The following ALDH4A1 variants were observed in gnomAD, a reference collection of about 807,000 sequenced individuals.
ALDH4A1 encodes the protein delta-1-pyrroline-5-carboxylate dehydrogenase, mitochondrial.
Under a neutral mutation model 70.5 loss-of-function variants are expected in ALDH4A1, and 46 were observed. The ratio of observed to expected loss-of-function variants is 0.65; its 90% CI spans 0.51 to 0.83. ALDH4A1 has a LOEUF of 0.83. Ranked by LOEUF, ALDH4A1 falls within the 40% of genes least tolerant of loss-of-function variation. ALDH4A1 has a pLI of 0.00. For missense variants in ALDH4A1, 749 were observed against 766.5 expected, an observed-to-expected ratio of 0.98 and a Z score of 0.27; for synonymous variants, 323 against 324.3, an observed-to-expected ratio of 1.00 and a Z score of 0.04.
chr1:18,896,718 C>T (rs1278793295), intron 1 of ALDH4A1, among the ~76,000 whole-genome samples: 1 of 151,992 alleles, frequency 6.6e-6, no homozygotes, highest in African/African-American at 2.4e-5. Context: ...CATGGTGAAA[C>T]CCCGTCTCTA....
chr1:18,896,181 C>A (rs1191928218), intron 1 of ALDH4A1, among the ~76,000 whole-genome samples: 1 of 152,152 alleles, frequency 6.6e-6, no homozygotes, highest in Non-Finnish European at 1.5e-5. Flanking sequence ...CTCTGACTGA[C>A]CATCTGTGTG....
chr1:18,883,055 G>A, intron 7 of ALDH4A1, 69 bp downstream of exon 7: 1 of 1,598,502 alleles, frequency 6.3e-7, no homozygotes, highest in Non-Finnish European at 8.6e-7. Flanking sequence ...GCTCAGGGTG[G>A]CCTCTGTCTG....
At chr1:18,890,681 G>A (rs943050010) in intron 1 of ALDH4A1, 2 of 985,306 alleles carry the variant, frequency 2.0e-6, no homozygotes, top group African/African-American at 1.7e-5. Context: ...AAGAATAATC[G>A]CACCGAACTC....
chr1:18,874,787 G>A (rs1360313773), intron 13 of ALDH4A1, among the ~76,000 whole-genome samples: 1 of 152,224 alleles, frequency 6.6e-6, no homozygotes, highest in Non-Finnish European at 1.5e-5. Context: ...CTCTGGGGAG[G>A]GGCTTGGCAC....
rs527592676 is a variant in ALDH4A1 at position 18,897,424 on chromosome 1, T to C, written c.62+5038A>G. ...TGGACGTGGTGGCGTGTGCCTGTAG[T>C]CTCAGCTACTTAGGAGGCTGAGGTA... On this transcript the variant is annotated intron_variant, in intron 1 of 14. Transcript: ENST00000375341. Among the ~76,000 whole-genome samples the C allele has an allele frequency of 4.2e-3, 633 of 152,292 alleles. 5 individuals carry two copies. The highest frequency in any genetic ancestry group is 0.014 in the African/African-American group (577 of 41,558).
chr1:18,889,463 A>T lies in ALDH4A1; in HGVS notation c.157-9T>A. 6.4e-7 allele frequency: 1 copy of T among 1,550,724 alleles called. No individual in the cohort carries two copies. The highest frequency in any genetic ancestry group is 2.4e-5 in the East Asian group (1 of 40,914). On this transcript the variant is annotated splice_polypyrimidine_tract_variant and intron_variant, in intron 2 of 14. Coordinates refer to ENST00000375341, the MANE Select transcript of ALDH4A1 (RefSeq NM_003748.4). ...TTCAGGTCCTTCAAGGCCTGGGGAG[A>T]GGGACAAGAGTGGGTATGGTCACCG... is the stretch of plus-strand genomic sequence containing the variant.
chr1:18,881,964 C>G, intron 7 of ALDH4A1, 77 bp from the exon 8 acceptor site: 1 of 1,403,704 alleles, frequency 7.1e-7, no homozygotes, highest in Non-Finnish European at 9.8e-7. Context: ...TACCCTACAG[C>G]ATGGTTGTCC....
intron 5 of ALDH4A1, chr1:18,885,225 G>A (rs1364326496): frequency 1.8e-5 from 10 of 563,456 alleles, no homozygotes; most frequent in African/African-American, 7.5e-5. Context: ...GCCTAGGAGC[G>A]AGGACAGAGG....
At chr1:18,885,238 TGGA>T (rs1417930293) in intron 5 of ALDH4A1, 1 of 579,256 alleles carries the variant, frequency 1.7e-6, no homozygotes, top group East Asian at 2.9e-5. Flanking sequence ...GACAGAGGGA[TGGA>T]GGAGAGGGGA....
Position 18,878,854 on chromosome 1 carries a change from C to T in ALDH4A1, c.940+446G>A, listed in dbSNP as rs534832853. 5.9e-5 allele frequency among the ~76,000 whole-genome samples: 9 copies of T among 152,268 alleles called. No homozygotes were observed. In the South Asian group the frequency reaches 1.2e-3, roughly 21 times the overall value. On this transcript the variant is annotated intron_variant, in intron 9 of 14. Coordinates refer to ENST00000375341, the MANE Select transcript of ALDH4A1 (RefSeq NM_003748.4). ...GTCCAGCCCTGCCTACGTCTCAGCC[C>T]GTCTTCTCCTACCAGCCCTCCTCCC...
In ALDH4A1 at chr1:18,879,429, G is replaced by A. The variant is rs138822070; in HGVS notation, c.867-56C>T. ...GGGAGCCAGGCCAGAGGAAGGGGGC[G>A]GAAAAGCCCAGGGAGGAGCATTGCC... is the stretch of plus-strand genomic sequence containing the variant. On this transcript the variant is annotated intron_variant, in intron 8 of 14. Coordinates refer to ENST00000375341, the MANE Select transcript of ALDH4A1 (RefSeq NM_003748.4). The A allele has an allele frequency of 3.2e-4, 477 of 1,505,826 alleles. 1 individual carries two copies. The East Asian group carries it at 5.9e-3, about 19-fold the overall frequency. The allele number at this position is 1,505,826 out of a possible 1,614,324, so 93.3% of individuals were successfully genotyped here. A position where few individuals can be genotyped will look rare whatever the true frequency, so the allele number is the denominator to read the frequency against.
Position 18,877,530 on chromosome 1 carries a change from G to C in ALDH4A1, c.1023C>G (p.Phe341Leu), listed in dbSNP as rs769491686. Residue 341 changes from phenylalanine (F) to leucine (L), a missense_variant, in exon 10 of 15, where the codon TTC (phenylalanine) becomes TTG (leucine). Transcript: ENST00000375341. Reference protein sequence around the residue: ...SVVSGTLRSAFEYGGQKCSAC... With the variant: ...SVVSGTLRSALEYGGQKCSAC... ...CGGAACACTTCTGGCCACCGTACTC[G>C]AAGGCTGAGCGGAGGGTCCCGCTCA... The C allele has an allele frequency of 6.2e-7, 1 of 1,611,962 alleles. No individual in the cohort carries two copies. The highest frequency in any genetic ancestry group is 1.7e-5 in the Admixed American group (1 of 59,924).
At chr1:18,888,259 T>C (rs1569774541) in intron 3 of ALDH4A1, among the ~76,000 whole-genome samples, 1 of 152,202 alleles carries the variant, frequency 6.6e-6, no homozygotes, top group Non-Finnish European at 1.5e-5. Context: ...ACAGTCACTC[T>C]GTATTCGGGC....
At chr1:18,889,481 G>C in intron 2 of ALDH4A1, 27 bp from the exon 3 acceptor site, 1 of 1,537,636 alleles carries the variant, frequency 6.5e-7, no homozygotes, top group Admixed American at 2.0e-5. Context: ...GAGTGGGTAT[G>C]GTCACCGCCT....
Position 18,875,402 on chromosome 1 carries a change from C to G in ALDH4A1, c.1440G>C (p.Gly480=). ...VDSTTSYGLT[G]AVFSQDKDVV... Reference sequence around the variant, plus strand: ...CTCACTTATCCTGGGAGAACACTGCCCCCGTGAGGCCATAGCTGGTGGTGC... The same window carrying G: ...CTCACTTATCCTGGGAGAACACTGCGCCCGTGAGGCCATAGCTGGTGGTGC... Residue 480 remains glycine (G), a synonymous_variant, in exon 13 of 15, where the codon GGG becomes GGC. Transcript: ENST00000375341. 1 of 1,614,174 alleles carries G rather than the reference C, an allele frequency of 6.2e-7. No homozygotes were observed. Among genetic ancestry groups the G allele is most frequent in the Non-Finnish European group, 8.5e-7 (1 of 1,180,016 alleles).
chr1:18,886,903 G>A (rs1292430730), intron 3 of ALDH4A1, among the ~76,000 whole-genome samples: 1 of 152,162 alleles, frequency 6.6e-6, no homozygotes, highest in East Asian at 1.9e-4. Flanking sequence ...TCTAGGAAAT[G>A]GGGACTGCCC....
At chr1:18,888,511 T>C (rs1935305377) in intron 3 of ALDH4A1, among the ~76,000 whole-genome samples, 1 of 152,230 alleles carries the variant, frequency 6.6e-6, no homozygotes, top group African/African-American at 2.4e-5. Context: ...CTTATCAGAA[T>C]GCCGGAGCCT....
At chr1:18,894,348 C>T (rs1935543277) in intron 1 of ALDH4A1, among the ~76,000 whole-genome samples, 1 of 152,330 alleles carries the variant, frequency 6.6e-6, no homozygotes, top group African/African-American at 2.4e-5. Flanking sequence ...CGAGACCAGC[C>T]TGGCCAACAT....
intron 8 of ALDH4A1, among the ~76,000 whole-genome samples, chr1:18,881,431 G>C (rs1369203892): frequency 6.6e-6 from 1 of 152,070 alleles, no homozygotes; most frequent in Non-Finnish European, 1.5e-5. Flanking sequence ...ACAGCTGTAG[G>C]GTGCACTTCC....
Sources: allele counts gnomAD v4.1 joint callset (sites outside exome capture counted in the v4.1 genomes callset), GRCh38; gene constraint gnomAD v4.1.1; transcripts MANE v1.5; gene names NCBI Gene and HGNC (gene_info 2026-07-23, HGNC 2026-07-21).